The following NCKAP5 variants were observed in gnomAD, a reference collection of about 807,000 sequenced individuals.
NCKAP5 encodes NCK associated protein 5, also known as nck-associated protein 5.
Under a neutral mutation model 167.0 loss-of-function variants are expected in NCKAP5, and 92 were observed. The ratio of observed to expected loss-of-function variants is 0.55; its 90% CI spans 0.47 to 0.66. The LOEUF (loss-of-function observed/expected upper bound fraction) is 0.66, where lower values mean the gene tolerates loss of function less well. Ranked by LOEUF, NCKAP5 falls within the 30% of genes least tolerant of loss-of-function variation. NCKAP5 has a pLI of 0.00. For missense variants in NCKAP5, 2,378 were observed against 2,315.0 expected, an observed-to-expected ratio of 1.03 and a Z score of -0.56; for synonymous variants, 891 against 877.4, an observed-to-expected ratio of 1.02 and a Z score of -0.27.
At chr2:133,135,044 T>C (rs899158738) in intron 5 of NCKAP5, among the ~76,000 whole-genome samples, 15 of 150,892 alleles carry the variant, frequency 9.9e-5, no homozygotes, top group African/African-American at 3.4e-4. Flanking sequence ...ATGAGTCAAA[T>C]GGACATGGTT....
At chr2:133,649,659 A>G in the NCKAP5 span, among the ~76,000 whole-genome samples, 3 of 152,204 alleles carry the variant, frequency 2.0e-5, no homozygotes, top group African/African-American at 7.2e-5. Flanking sequence ...TTCAATAGAT[A>G]TAGAAAAAGC....
intron 4 of NCKAP5, among the ~76,000 whole-genome samples, chr2:133,259,176 C>T (rs1481930512): frequency 6.6e-6 from 1 of 152,112 alleles, no homozygotes; most frequent in Admixed American, 6.5e-5. Context: ...TCTCCTTCCC[C>T]CAGCTGGCCT....
chr2:133,594,625 C>T, the NCKAP5 span, among the ~76,000 whole-genome samples: 1 of 152,108 alleles, frequency 6.6e-6, no homozygotes, highest in East Asian at 1.9e-4. Context: ...AGTCATTAAA[C>T]CATTTTCTGC....
chr2:133,629,071 G>A, the NCKAP5 span, among the ~76,000 whole-genome samples: 1 of 152,088 alleles, frequency 6.6e-6, no homozygotes, highest in Non-Finnish European at 1.5e-5. Flanking sequence ...CAGGACATAG[G>A]CACAGGCAAA....
At chr2:133,185,948 T>C (rs1348760316) in intron 5 of NCKAP5, among the ~76,000 whole-genome samples, 1 of 152,130 alleles carries the variant, frequency 6.6e-6, no homozygotes, top group African/African-American at 2.4e-5. Flanking sequence ...GGATGCCTTT[T>C]TATTTCTTTC....
At chr2:132,893,983 C>A (rs1001284625) in intron 8 of NCKAP5, among the ~76,000 whole-genome samples, 2 of 152,178 alleles carry the variant, frequency 1.3e-5, no homozygotes, top group Non-Finnish European at 2.9e-5. Flanking sequence ...TGTACCCGGG[C>A]ATCCCGCTGC....
chr2:132,778,007 T>G (rs1015028907), intron 15 of NCKAP5, among the ~76,000 whole-genome samples: 1 of 152,150 alleles, frequency 6.6e-6, no homozygotes, highest in African/African-American at 2.4e-5. Context: ...CAGTGATAGT[T>G]AAATAGGAGC....
intron 19 of NCKAP5, among the ~76,000 whole-genome samples, chr2:132,702,207 C>T (rs1271185682): frequency 6.6e-6 from 1 of 152,096 alleles, no homozygotes; most frequent in Non-Finnish European, 1.5e-5. Context: ...ATAGGCAATG[C>T]ATGGGGTGGA....
At chr2:133,627,916 T>G in the NCKAP5 span, among the ~76,000 whole-genome samples, 1 of 152,176 alleles carries the variant, frequency 6.6e-6, no homozygotes, top group Non-Finnish European at 1.5e-5. Flanking sequence ...GAATCTGGCT[T>G]TGGCCGTGGT....
chr2:132,847,506 T>C (rs561213124), intron 11 of NCKAP5, among the ~76,000 whole-genome samples: 1 of 152,306 alleles, frequency 6.6e-6, no homozygotes, highest in East Asian at 1.9e-4. Context: ...ATATATTGTT[T>C]TCCTTAGAAT....
intron 5 of NCKAP5, among the ~76,000 whole-genome samples, chr2:133,131,632 A>C (rs1054700258): frequency 2.6e-5 from 4 of 152,194 alleles, no homozygotes; most frequent in African/African-American, 7.2e-5. Context: ...AACTCCCATA[A>C]TCAGTTACTT....
At chr2:133,296,340 T>TCCCCCC (rs1559360468) in intron 4 of NCKAP5, among the ~76,000 whole-genome samples, 33 of 150,326 alleles carry the variant, frequency 2.2e-4, no homozygotes, top group Non-Finnish European at 3.7e-4. Context: ...TTCTCTAACA[T>TCCCCCC]CCCCACCCCC....
intron 13 of NCKAP5, among the ~76,000 whole-genome samples, chr2:132,787,936 C>T (rs1255983144): frequency 6.6e-6 from 1 of 152,160 alleles, no homozygotes; most frequent in African/African-American, 2.4e-5. Flanking sequence ...TCTGTCTTGC[C>T]TCCTTTCTGC....
intron 3 of NCKAP5, among the ~76,000 whole-genome samples, chr2:133,373,789 T>C (rs999469254): frequency 1.4e-4 from 21 of 152,220 alleles, no homozygotes; most frequent in Non-Finnish European, 7.3e-5. Context: ...AGTTAACTTG[T>C]CTTTGACAAA....
At chr2:132,711,312 T>C (rs1477281021) in intron 19 of NCKAP5, among the ~76,000 whole-genome samples, 1 of 152,342 alleles carries the variant, frequency 6.6e-6, no homozygotes, top group East Asian at 1.9e-4. Flanking sequence ...ACACCAGAGC[T>C]ACACCTCACT....
At chr2:133,376,486 T>C (rs1482903306) in intron 3 of NCKAP5, among the ~76,000 whole-genome samples, 1 of 152,114 alleles carries the variant, frequency 6.6e-6, no homozygotes, top group Non-Finnish European at 1.5e-5. Context: ...CTTGTTTCCA[T>C]CCTCATAGCC....
intron 3 of NCKAP5, among the ~76,000 whole-genome samples, chr2:133,322,288 A>G (rs1445848866): frequency 6.6e-6 from 1 of 152,238 alleles, no homozygotes; most frequent in Non-Finnish European, 1.5e-5. Flanking sequence ...CAAAGCATAG[A>G]TGCAAGAAAG....
At chr2:133,533,234 C>A (rs1685502536) in intron 2 of NCKAP5, among the ~76,000 whole-genome samples, 2 of 152,218 alleles carry the variant, frequency 1.3e-5, no homozygotes, top group African/African-American at 4.8e-5. Flanking sequence ...GCAAAAAGGG[C>A]AGCTGGCATC....
intron 5 of NCKAP5, among the ~76,000 whole-genome samples, chr2:133,131,232 A>G (rs1039465725): frequency 5.3e-5 from 8 of 152,128 alleles, no homozygotes; most frequent in African/African-American, 1.7e-4. Context: ...AAATACTTAC[A>G]CATCCTCCTG....
Sources: gnomAD v4.1 joint callset for allele counts (sites outside exome capture counted in the v4.1 genomes callset) on GRCh38, gnomAD v4.1.1 for gene constraint, MANE v1.5 for transcripts, NCBI Gene and HGNC (gene_info 2026-07-23, HGNC 2026-07-21) for gene names.